SFI1: variants seen among roughly 807,000 people sequenced by gnomAD.
SFI1 encodes SFI1 centrin binding protein, also known as protein SFI1 homolog.
In SFI1, 195 loss-of-function variants were observed where a neutral mutation model predicts 207.5. That is an observed-to-expected ratio of 0.94 (90% CI 0.84 to 1.06). SFI1 has a LOEUF of 1.06. Ranked by LOEUF, SFI1 falls within the 50% of genes least tolerant of loss-of-function variation. The pLI is 0.00. For synonymous variants in SFI1, 630 were observed against 598.9 expected (o/e 1.05, Z -0.76); for missense variants, 1,634 against 1,588.0 (o/e 1.03, Z -0.49).
intron 2 of SFI1, among the ~76,000 whole-genome samples, chr22:31,525,086 G>A (rs1237455452): frequency 1.3e-5 from 2 of 152,070 alleles, no homozygotes; most frequent in Non-Finnish European, 2.9e-5. Flanking sequence ...GAGCCACCAC[G>A]CCCAGCCTGT....
intron 17 of SFI1, among the ~76,000 whole-genome samples, chr22:31,603,214 C>T (rs117020712): frequency 0.037 from 5,576 of 152,294 alleles, 154 homozygotes; most frequent in Middle Eastern, 0.071. Context: ...GCCTGTGCAA[C>T]AGAGCGAGAC....
chr22:31,528,681 A>C lies in SFI1; in HGVS notation c.93-9A>C. The stretch of plus-strand genomic sequence containing the variant: ...TTCTCTCCTTGCCTCTTTCGTCCTC[A>C]AATTTAAGGTATTTTAAGGATGGTG... On this transcript the variant is annotated splice_polypyrimidine_tract_variant and intron_variant, in intron 2 of 32. Transcript: ENST00000400288. The C allele has an allele frequency of 3.1e-6, 5 of 1,610,536 alleles. No individual in the cohort carries two copies. The highest frequency in any genetic ancestry group is 3.4e-6 in the Non-Finnish European group (4 of 1,178,000).
At chr22:31,553,510 A>G (rs1000299181) in intron 6 of SFI1, among the ~76,000 whole-genome samples, 2 of 144,206 alleles carry the variant, frequency 1.4e-5, no homozygotes, top group South Asian at 2.2e-4. Context: ...GTGCGCTACC[A>G]TGCCCAGCTA....
rs768198160 is a variant in SFI1 at position 31,614,759 on chromosome 22, C to G, written c.2997-30C>G. 5.0e-6 allele frequency: 8 copies of G among 1,612,948 alleles called. No individual in the cohort carries two copies. In the East Asian group the frequency reaches 1.8e-4, roughly 36 times the overall value. ...ACCCCCCTGCAGCCCCTGGTCAGCC[C>G]AGGGGAACAGACCCCATGTTTCTTT... On this transcript the variant is annotated intron_variant, in intron 27 of 32. Coordinates refer to ENST00000400288, the MANE Select transcript of SFI1 (RefSeq NM_001007467.3).
At chr22:31,505,332 G>C (rs1159637213) in intron 1 of SFI1, among the ~76,000 whole-genome samples, 1 of 152,068 alleles carries the variant, frequency 6.6e-6, no homozygotes, top group Non-Finnish European at 1.5e-5. Flanking sequence ...CCAGCTACAT[G>C]GGAGGCTGAA....
At chr22:31,581,452 C>G (rs189859311) in intron 12 of SFI1, among the ~76,000 whole-genome samples, 1 of 152,092 alleles carries the variant, frequency 6.6e-6, no homozygotes, top group African/African-American at 2.4e-5. Context: ...CCAAGCCCAG[C>G]TAATTTTTTT....
chr22:31,590,161 C>T (rs1040395346), intron 15 of SFI1, among the ~76,000 whole-genome samples: 2 of 149,444 alleles, frequency 1.3e-5, no homozygotes, highest in Admixed American at 1.3e-4. Context: ...CTGAGGCCCC[C>T]GTACATTAGG....
intron 2 of SFI1, among the ~76,000 whole-genome samples, chr22:31,513,868 T>TG (rs74710779): frequency 1 from 151,530 of 151,532 alleles, 75,764 homozygotes; most frequent in Middle Eastern, 1. Flanking sequence ...CATGAGCCAC[T>TG]GGCCCGGCCA....
chr22:31,555,215 C>T (rs940324672), intron 6 of SFI1, among the ~76,000 whole-genome samples: 4 of 152,020 alleles, frequency 2.6e-5, no homozygotes, highest in Admixed American at 6.6e-5. Flanking sequence ...TTTTTATAGG[C>T]GGTGGCTCAC....
At chr22:31,555,897 A>G (rs937393285) in intron 6 of SFI1, among the ~76,000 whole-genome samples, 10 of 152,232 alleles carry the variant, frequency 6.6e-5, no homozygotes, top group African/African-American at 2.4e-4. Flanking sequence ...TGAAATATAT[A>G]GTTATAGTCC....
intron 8 of SFI1, among the ~76,000 whole-genome samples, chr22:31,567,819 T>C (rs1479060693): frequency 1.3e-5 from 2 of 152,042 alleles, no homozygotes; most frequent in African/African-American, 2.4e-5. Context: ...AACGAACATA[T>C]CAAGTTTGTG....
At chr22:31,565,261 T>G (rs2062168793) in intron 8 of SFI1, among the ~76,000 whole-genome samples, 1 of 152,096 alleles carries the variant, frequency 6.6e-6, no homozygotes. Context: ...TCTTTTTTCT[T>G]ATAAAAATAT....
chr22:31,612,389 AAAAAAAAAAAT>A lies in SFI1; in HGVS notation c.2490+551_2490+561del, dbSNP rs1330514151. The A allele has an allele frequency of 4.1e-5, 5 of 120,706 alleles. No individual in the cohort carries two copies. In the East Asian group the frequency reaches 1.2e-3, roughly 28 times the overall value. 7.5% of individuals were successfully genotyped at this position (120,706 alleles called of 1,614,324 possible). A position where few individuals can be genotyped will look rare whatever the true frequency, so the allele number is the denominator to read the frequency against. On this transcript the variant is annotated intron_variant, in intron 24 of 32. Coordinates refer to ENST00000400288, the MANE Select transcript of SFI1 (RefSeq NM_001007467.3). ...AGCGAGACTCTGTCTAAAAAAAAAAAAAAAAAAAAATATATATATATATATATATATATATA... is the reference window on the plus strand; with the variant it reads ...AGCGAGACTCTGTCTAAAAAAAAAAAATATATATATATATATATATATATA...
chr22:31,618,561 T>C lies in SFI1; in HGVS notation c.*143T>C, dbSNP rs977877040. The C allele has an allele frequency of 3.6e-6, 3 of 825,678 alleles. No individual in the cohort carries two copies. Among genetic ancestry groups the C allele is most frequent in the Non-Finnish European group, 5.2e-6 (3 of 577,642 alleles). 51.1% of individuals were successfully genotyped at this position (825,678 alleles called of 1,614,324 possible). A position where few individuals can be genotyped will look rare whatever the true frequency, so the allele number is the denominator to read the frequency against. On this transcript the variant is annotated 3_prime_UTR_variant, in exon 33 of 33. Transcript: ENST00000400288. ...GAATTACTGTTCAGAAGTCTCCCAC[T>C]TTTCATACAAAAATACTGTGCTACT...
At chr22:31,578,473 C>T in intron 11 of SFI1, 21 bp downstream of exon 11, 1 of 1,608,278 alleles carries the variant, frequency 6.2e-7, no homozygotes, top group East Asian at 2.2e-5. Flanking sequence ...TGCATCCTGG[C>T]ACGGGTCCGC....
At chr22:31,606,640 A>G (rs1013672966) in intron 21 of SFI1, 8 of 498,260 alleles carry the variant, frequency 1.6e-5, no homozygotes, top group South Asian at 1.6e-4. Flanking sequence ...AAATAGAAAC[A>G]TAACACATCA....
intron 2 of SFI1, among the ~76,000 whole-genome samples, chr22:31,510,552 G>A (rs2146688622): frequency 6.6e-6 from 1 of 152,132 alleles, no homozygotes; most frequent in East Asian, 1.9e-4. Flanking sequence ...TCCTGCCTCA[G>A]CCTCCCGAGT....
chr22:31,501,917 T>TA (rs1193761430), intron 1 of SFI1, among the ~76,000 whole-genome samples: 2 of 152,130 alleles, frequency 1.3e-5, no homozygotes, highest in East Asian at 3.8e-4. Flanking sequence ...ATAAGCACAT[T>TA]AGCTTCATTG....
chr22:31,497,548 T>C (rs2146238418), intron 1 of SFI1, among the ~76,000 whole-genome samples: 1 of 152,300 alleles, frequency 6.6e-6, no homozygotes, highest in East Asian at 1.9e-4. Context: ...TCGGTCCTCC[T>C]TGTAGCCTGA....
Sources: gnomAD v4.1 joint callset for allele counts (sites outside exome capture counted in the v4.1 genomes callset) on GRCh38, gnomAD v4.1.1 for gene constraint, MANE v1.5 for transcripts, NCBI Gene and HGNC (gene_info 2026-07-23, HGNC 2026-07-21) for gene names.